Variants in SMARCA5 observed in about 807,000 individuals in gnomAD.
SMARCA5 encodes SWI/SNF-related matrix-associated actin-dependent regulator of chromatin subfamily A member 5.
In SMARCA5, 18 loss-of-function variants were observed where a neutral mutation model predicts 140.4. That is an observed-to-expected ratio of 0.13 (90% CI 0.09 to 0.19). The LOEUF is 0.19. Among genes scored for constraint, SMARCA5 ranks in the 10% least tolerant of loss-of-function variants. The pLI, the probability that SMARCA5 is intolerant of heterozygous loss-of-function variation, is 1.00. For missense variants in SMARCA5, 606 were observed against 1,276.8 expected (o/e 0.47, Z 8.01); for synonymous variants, 449 against 419.6 (o/e 1.07, Z -0.86).
chr4:143,539,252 C>T (rs1399742671), intron 13 of SMARCA5, among the ~76,000 whole-genome samples: 1 of 152,118 alleles, frequency 6.6e-6, no homozygotes, highest in African/African-American at 2.4e-5. Flanking sequence ...TGTCTCTCCA[C>T]CCCCTTGATC....
chr4:143,530,397 A>G, intron 8 of SMARCA5, 61 bp from the exon 9 acceptor site: 1 of 1,042,302 alleles, frequency 9.6e-7, no homozygotes, highest in Non-Finnish European at 1.4e-6. Flanking sequence ...TATATCTGGT[A>G]TTATAGGGTA....
chr4:143,556,782 C>T lies in SMARCA5; in HGVS notation c.*3598C>T, dbSNP rs1012504865. The T allele has an allele frequency of 1.3e-5, 2 of 152,034 alleles. No homozygotes were observed. Among genetic ancestry groups the T allele is most frequent in the African/African-American group, 4.8e-5 (2 of 41,404 alleles). The allele number at this position is 152,034 out of a possible 1,614,324, so 9.4% of individuals were successfully genotyped here. ...CAGAATTAACTTCGCTGTGTACATC[C>T]CAGAATCGTTTTGGATCTGTTAAGG... On this transcript the variant is annotated 3_prime_UTR_variant, in exon 24 of 24. Coordinates refer to ENST00000283131, the MANE Select transcript of SMARCA5 (RefSeq NM_003601.4).
At chr4:143,525,176 C>G (rs888827518) in intron 4 of SMARCA5, among the ~76,000 whole-genome samples, 1 of 151,918 alleles carries the variant, frequency 6.6e-6, no homozygotes, top group Non-Finnish European at 1.5e-5. Context: ...CAAAGAGTCT[C>G]TCAGACCAGT....
chr4:143,539,719 A>G (rs537705540), intron 13 of SMARCA5, among the ~76,000 whole-genome samples: 242 of 152,062 alleles, frequency 1.6e-3, no homozygotes, highest in African/African-American at 5.5e-3. Context: ...TATTTTTAGT[A>G]GAGATGGGGT....
intron 2 of SMARCA5, among the ~76,000 whole-genome samples, 154 bp from the exon 3 acceptor site, chr4:143,521,275 T>C (rs1736952112): frequency 6.6e-6 from 1 of 152,168 alleles, no homozygotes; most frequent in South Asian, 2.1e-4. Flanking sequence ...TCTTTCACTT[T>C]GCATAGTGCT....
intron 2 of SMARCA5, among the ~76,000 whole-genome samples, chr4:143,519,455 A>G (rs1009687779): frequency 2.6e-5 from 4 of 151,056 alleles, no homozygotes; most frequent in Non-Finnish European, 1.5e-5. Context: ...ACATTTTTGC[A>G]AAGTGTTATT....
rs72938224 is a variant in SMARCA5, at chr4:143,522,336, A to G, written c.419+741A>G. On this transcript the variant is annotated intron_variant, in intron 3 of 23. Coordinates refer to ENST00000283131, the MANE Select transcript of SMARCA5 (RefSeq NM_003601.4). ...TCTCTAGAATTTTCATTCTGGTTGG[A>G]TAAATAAGATGTTTAATTAGTAATA... Among the ~76,000 whole-genome samples, 865 of 152,318 alleles carry G rather than the reference A, an allele frequency of 5.7e-3. 8 individuals carry two copies. The highest frequency in any genetic ancestry group is 0.02 in the African/African-American group (829 of 41,560).
At chr4:143,525,642 G>A (rs1737053423) in intron 5 of SMARCA5, 91 bp downstream of exon 5, 2 of 836,662 alleles carry the variant, frequency 2.4e-6, no homozygotes, top group South Asian at 1.5e-5. Context: ...ACAACTGTTA[G>A]CAAATGGATC....
chr4:143,523,700 A>G (rs1438474025), intron 3 of SMARCA5, among the ~76,000 whole-genome samples: 2 of 152,236 alleles, frequency 1.3e-5, no homozygotes, highest in African/African-American at 4.8e-5. Context: ...AAATGAAGTT[A>G]CAAATTAGAT....
rs1366254579 is a variant in SMARCA5, at chr4:143,557,167, CA to C, written c.*3984del. The stretch of plus-strand genomic sequence containing the variant: ...ATCTAGGTACTTGCCTTTAACTCTA[CA>C]GCATACAAGGTGTGTGGCTCTTATC... On this transcript the variant is annotated 3_prime_UTR_variant, in exon 24 of 24. Coordinates refer to ENST00000283131, the MANE Select transcript of SMARCA5 (RefSeq NM_003601.4). 6.6e-6 allele frequency: 1 copy of C among 152,174 alleles called. No homozygotes were observed. Among genetic ancestry groups the C allele is most frequent in the African/African-American group, 2.4e-5 (1 of 41,440 alleles). 9.4% of individuals were successfully genotyped at this position (152,174 alleles called of 1,614,324 possible).
chr4:143,525,045 CTTT>C (rs57339802), intron 4 of SMARCA5, among the ~76,000 whole-genome samples: 18 of 137,604 alleles, frequency 1.3e-4, no homozygotes, highest in Admixed American at 1.4e-4. Context: ...TTTCCTATTT[CTTT>C]TTTTTTTTTT....
In SMARCA5 at chr4:143,513,967, A is replaced by G; in HGVS notation, c.43A>G (p.Ser15Gly). 2 of 1,556,062 alleles carry G rather than the reference A, an allele frequency of 1.3e-6. No homozygotes were observed. Among genetic ancestry groups the G allele is most frequent in the Non-Finnish European group, 1.7e-6 (2 of 1,158,376 alleles). The change falls in exon 1 of 24, where the codon AGC (serine) becomes GGC (glycine). Residue 15 changes from serine (S) to glycine (G), a missense_variant. Around this residue, in one of 10 missense-constraint regions of SMARCA5, gnomAD observed 164 missense variants for 128.4 expected, o/e 1.28. Transcript: ENST00000283131. ...AEPPPPPPPESAPSKPAASIA... is the reference protein window; with the variant it reads ...AEPPPPPPPEGAPSKPAASIA... ...GCCTCCGCCACCCCCGCCTCCCGAG[A>G]GCGCGCCTTCCAAGCCCGCAGCCTC...
chr4:143,517,122 T>A (rs1024002672), intron 1 of SMARCA5, among the ~76,000 whole-genome samples: 2 of 152,236 alleles, frequency 1.3e-5, no homozygotes, highest in African/African-American at 4.8e-5. Context: ...TGTGTTCTAA[T>A]CTTGGCAACA....
chr4:143,527,365 T>C (rs1737096359), intron 6 of SMARCA5, among the ~76,000 whole-genome samples: 2 of 152,204 alleles, frequency 1.3e-5, no homozygotes, highest in South Asian at 4.1e-4. Flanking sequence ...AAGTTATCAA[T>C]TTTTGTTTGT....
chr4:143,518,507 T>C (rs969631640), intron 2 of SMARCA5, among the ~76,000 whole-genome samples: 8 of 152,206 alleles, frequency 5.3e-5, no homozygotes, highest in Non-Finnish European at 1.0e-4. Context: ...GAACAGTATC[T>C]GGCACATAGC....
intron 23 of SMARCA5, among the ~76,000 whole-genome samples, chr4:143,551,171 A>G (rs1737633417): frequency 1.3e-5 from 2 of 152,106 alleles, no homozygotes; most frequent in South Asian, 4.1e-4. Context: ...GATACTGAAC[A>G]GCTTTTAATA....
chr4:143,552,058 A>G (rs950206224), intron 23 of SMARCA5, among the ~76,000 whole-genome samples: 1 of 151,668 alleles, frequency 6.6e-6, no homozygotes, highest in South Asian at 2.1e-4. Flanking sequence ...TGGAATATCT[A>G]TTTTTTTGTG....
At chr4:143,544,385 G>A (rs1737483182) in intron 16 of SMARCA5, 1 of 180,846 alleles carries the variant, frequency 5.5e-6, no homozygotes, top group Non-Finnish European at 1.1e-5. Context: ...ATTCTACCCA[G>A]TGTTTTTCTT....
At chr4:143,520,193 T>C (rs1362156744) in intron 2 of SMARCA5, among the ~76,000 whole-genome samples, 2 of 152,208 alleles carry the variant, frequency 1.3e-5, no homozygotes, top group East Asian at 1.9e-4. Context: ...AATTATTTTT[T>C]CAGTCCAAAC....
Sources: allele counts gnomAD v4.1 joint callset (sites outside exome capture counted in the v4.1 genomes callset), GRCh38; gene constraint gnomAD v4.1.1; regional missense constraint gnomAD v4.1.1; transcripts MANE v1.5; gene names NCBI Gene and HGNC (gene_info 2026-07-23, HGNC 2026-07-21).